Variants in USP10 observed in about 807,000 individuals in gnomAD.
USP10 encodes the protein ubiquitin specific peptidase 10.
A neutral mutation model predicts 84.5 loss-of-function variants in USP10; 22 were observed. The ratio of observed to expected loss-of-function variants is 0.26; its 90% confidence interval spans 0.19 to 0.37. USP10 has a LOEUF of 0.37. Ranked by LOEUF, USP10 falls within the 10% of genes least tolerant of loss-of-function variation. USP10 has a pLI of 1.00. For synonymous variants in USP10, 454 were observed against 387.6 expected (o/e 1.17, Z -2.01); for missense variants, 1,019 against 998.9 (o/e 1.02, Z -0.27).
At chr16:84,713,336 G>A (rs1476018221) in intron 1 of USP10, among the ~76,000 whole-genome samples, 1 of 151,976 alleles carries the variant, frequency 6.6e-6, no homozygotes, top group East Asian at 1.9e-4. Context: ...CTTTCAGTGA[G>A]TCTCTGTGCC....
intron 13 of USP10, among the ~76,000 whole-genome samples, chr16:84,778,287 G>A (rs1022528433): frequency 6.6e-6 from 1 of 152,130 alleles, no homozygotes; most frequent in African/African-American, 2.4e-5. Flanking sequence ...ATTGTGTCCC[G>A]TGTCTTTAGG....
At chr16:84,729,642 C>T (rs1193568208) in intron 1 of USP10, among the ~76,000 whole-genome samples, 1 of 152,194 alleles carries the variant, frequency 6.6e-6, no homozygotes, top group African/African-American at 2.4e-5. Flanking sequence ...TAGCCCGTTC[C>T]TTTATTTCAG....
chr16:84,767,320 AGAAAAACTTAGAAAAAG>A (rs1296095333), intron 10 of USP10, among the ~76,000 whole-genome samples: 1 of 152,062 alleles, frequency 6.6e-6, no homozygotes, highest in Non-Finnish European at 1.5e-5. Flanking sequence ...ATTTTTACTC[AGAAAAACTTAGAAAAAG>A]GAAAAAAAAA....
At chr16:84,729,004 G>A (rs753182394) in intron 1 of USP10, among the ~76,000 whole-genome samples, 4 of 151,912 alleles carry the variant, frequency 2.6e-5, no homozygotes, top group African/African-American at 9.7e-5. Context: ...CACCATTTTG[G>A]CTGGGCTGGT....
intron 1 of USP10, 88 bp from the exon 2 acceptor site, chr16:84,733,347 A>C: frequency 1.9e-6 from 2 of 1,057,164 alleles, no homozygotes; most frequent in Non-Finnish European, 2.9e-6. Flanking sequence ...CAAATGTTGC[A>C]TAGGATTGTT....
At chr16:84,778,502 A>G (rs1915251530) in intron 13 of USP10, among the ~76,000 whole-genome samples, 1 of 152,212 alleles carries the variant, frequency 6.6e-6, no homozygotes, top group African/African-American at 2.4e-5. Flanking sequence ...TCTCTGTCCA[A>G]GATTCAGATA....
chr16:84,765,072 TCA>T (rs931016573), intron 10 of USP10, among the ~76,000 whole-genome samples: 1 of 150,394 alleles, frequency 6.6e-6, no homozygotes, highest in Non-Finnish European at 1.5e-5. Flanking sequence ...AAGACTGTCT[TCA>T]AAAAAAAAAA....
chr16:84,708,063 G>A lies in USP10; in HGVS notation c.21+7952G>A, dbSNP rs143737588. Among the ~76,000 whole-genome samples, 948 of 152,200 alleles carry A rather than the reference G, an allele frequency of 6.2e-3. 4 individuals carry two copies. Among genetic ancestry groups the A allele is most frequent in the Admixed American group, 9.7e-3 (148 of 15,282 alleles). ...ACTGCACTTCAGCTTGGGTGACAGAGCGAGACTCTTACGTCAAAAAAGAAA... is the reference window on the plus strand; with the variant it reads ...ACTGCACTTCAGCTTGGGTGACAGAACGAGACTCTTACGTCAAAAAAGAAA... On this transcript the variant is annotated intron_variant, in intron 1 of 13. Coordinates refer to ENST00000219473, the MANE Select transcript of USP10 (RefSeq NM_005153.3).
chr16:84,744,206 T>C (rs1219761499), intron 3 of USP10, among the ~76,000 whole-genome samples: 1 of 152,202 alleles, frequency 6.6e-6, no homozygotes, highest in Admixed American at 6.5e-5. Context: ...GAAGCTGATT[T>C]AACCATGTTT....
At chr16:84,717,943 G>A (rs977778233) in intron 1 of USP10, among the ~76,000 whole-genome samples, 1 of 152,126 alleles carries the variant, frequency 6.6e-6, no homozygotes. Flanking sequence ...TTTGGGATTC[G>A]TGATCACGTT....
intron 1 of USP10, among the ~76,000 whole-genome samples, chr16:84,702,379 T>G (rs1271256038): frequency 6.6e-6 from 1 of 152,098 alleles, no homozygotes; most frequent in East Asian, 1.9e-4. Context: ...TAATTTTCAT[T>G]TTAAAAGAAT....
intron 1 of USP10, among the ~76,000 whole-genome samples, chr16:84,714,888 GTTTGAAAAATATTTAAAAAGT>G (rs1906799050): frequency 1.3e-5 from 2 of 149,666 alleles, no homozygotes; most frequent in African/African-American, 4.9e-5. Flanking sequence ...CATATGAAAT[GTTTGAAAAATATTTAAAAAGT>G]TCTGATTATT....
chr16:84,725,356 C>T (rs1434929607), intron 1 of USP10, among the ~76,000 whole-genome samples: 1 of 152,194 alleles, frequency 6.6e-6, no homozygotes, highest in Non-Finnish European at 1.5e-5. Context: ...CCTGTTGTAG[C>T]ATGCATTAGT....
rs554700534 is a variant in USP10 at position 84,771,390 on chromosome 16, G to C, written c.1999-1151G>C. On this transcript the variant is annotated intron_variant, in intron 11 of 13. Transcript: ENST00000219473. ...CATGGCTGTAGTCCCAGCTACTTGGGAGGCTGAGGTGGGAGAATCACCTGA... is the reference window on the plus strand; with the variant it reads ...CATGGCTGTAGTCCCAGCTACTTGGCAGGCTGAGGTGGGAGAATCACCTGA... Among the ~76,000 whole-genome samples the C allele has an allele frequency of 1.4e-4, 22 of 152,202 alleles. No homozygotes were observed. The South Asian group carries it at 3.9e-3, about 27-fold the overall frequency.
At chr16:84,754,710 A>G (rs528556930) in intron 4 of USP10, among the ~76,000 whole-genome samples, 1 of 152,246 alleles carries the variant, frequency 6.6e-6, no homozygotes, top group African/African-American at 2.4e-5. Flanking sequence ...CTGTCTGACT[A>G]GTTCATGCTG....
At chr16:84,715,599 C>A (rs1326309805) in intron 1 of USP10, among the ~76,000 whole-genome samples, 1 of 152,032 alleles carries the variant, frequency 6.6e-6, no homozygotes, top group African/African-American at 2.4e-5. Flanking sequence ...TTTTATCTCC[C>A]TTTTTGCTTA....
At chr16:84,720,893 ATTTT>A (rs1192679893) in intron 1 of USP10, among the ~76,000 whole-genome samples, 1 of 99,008 alleles carries the variant, frequency 1.0e-5, no homozygotes, top group Non-Finnish European at 2.1e-5. Context: ...ATGATGCACA[ATTTT>A]TTTTTTTTTT....
At chr16:84,763,187 T>G (rs1280017784) in intron 9 of USP10, 99 bp downstream of exon 9, 4 of 638,486 alleles carry the variant, frequency 6.3e-6, no homozygotes, top group Non-Finnish European at 1.1e-5. Flanking sequence ...CCTCAGTCGT[T>G]TTCCTTTCAA....
intron 4 of USP10, among the ~76,000 whole-genome samples, chr16:84,748,530 C>CT (rs1911522338): frequency 6.6e-6 from 1 of 152,086 alleles, no homozygotes; most frequent in Non-Finnish European, 1.5e-5. Flanking sequence ...TCTTGAGCTC[C>CT]TGACCTCAAG....
Sources: gnomAD v4.1 joint callset for allele counts (sites outside exome capture counted in the v4.1 genomes callset) on GRCh38, gnomAD v4.1.1 for gene constraint, MANE v1.5 for transcripts, NCBI Gene and HGNC (gene_info 2026-07-23, HGNC 2026-07-21) for gene names.